The following SETBP1 variants were observed in gnomAD, a reference collection of about 807,000 sequenced individuals.
SETBP1 encodes SET binding protein 1.
SETBP1 carries 9 observed loss-of-function variants against 101.0 expected under a neutral mutation model. That is an observed-to-expected ratio of 0.09 (90% CI 0.05 to 0.16). SETBP1 has a LOEUF of 0.16. SETBP1 is among the 10% of genes least tolerant of loss of function. The probability of loss-of-function intolerance (pLI) is 1.00; values close to 1 mark genes in which losing one functional copy is unlikely to be tolerated. For missense variants in SETBP1, 1,858 were observed against 2,033.8 expected, an observed-to-expected ratio of 0.91 and a Z score of 1.66; for synonymous variants, 818 against 788.5, an observed-to-expected ratio of 1.04 and a Z score of -0.63.
chr18:44,873,840 A>G (rs1408421406), intron 3 of SETBP1, among the ~76,000 whole-genome samples: 4 of 152,340 alleles, frequency 2.6e-5, no homozygotes, highest in Non-Finnish European at 4.4e-5. Flanking sequence ...TAGCATAATA[A>G]TATAATAAAC....
intron 4 of SETBP1, among the ~76,000 whole-genome samples, chr18:44,991,838 A>G (rs1166443227): frequency 1.3e-5 from 2 of 152,226 alleles, no homozygotes; most frequent in Non-Finnish European, 2.9e-5. Flanking sequence ...AGAAAATACA[A>G]CAAAGCACAT....
At position 44,997,061 on chromosome 18, in the gene SETBP1, A is replaced by C. The variant is rs149443736; in HGVS notation, c.4001-41424A>C. On this transcript the variant is annotated intron_variant, in intron 4 of 5. Coordinates refer to ENST00000649279, the MANE Select transcript of SETBP1 (RefSeq NM_015559.3). ...ACAGGTGGCGTAATCAGGGATGAGGAGAACATCTTGGGAGAGTTTTGGACT... is the reference window on the plus strand; with the variant it reads ...ACAGGTGGCGTAATCAGGGATGAGGCGAACATCTTGGGAGAGTTTTGGACT... Among the ~76,000 whole-genome samples, 1,058 of 152,276 alleles carry C rather than the reference A, an allele frequency of 6.9e-3. 17 individuals are homozygous for C. Among genetic ancestry groups the C allele is most frequent in the African/African-American group, 0.025 (1,020 of 41,548 alleles).
intron 2 of SETBP1, among the ~76,000 whole-genome samples, chr18:44,736,053 G>A (rs1422491248): frequency 1.3e-5 from 2 of 152,250 alleles, no homozygotes; most frequent in Non-Finnish European, 1.5e-5. Context: ...TCACTCTACT[G>A]GTCTTTTGGA....
chr18:44,873,391 C>T (rs925286138), intron 3 of SETBP1, among the ~76,000 whole-genome samples: 1 of 152,160 alleles, frequency 6.6e-6, no homozygotes, highest in Admixed American at 6.5e-5. Context: ...GTGAAAGTAG[C>T]ATTGTATGCC....
Position 44,950,414 on chromosome 18 carries a change from C to A in SETBP1, c.1074C>A (p.Ala358=). ...PNPDLDWVKN[A]QKAFDNTEGK... is the part of the protein sequence containing the mutation. ...CAGACCTGGATTGGGTCAAGAATGC[C>A]CAGAAAGCATTTGACAATACAGAAG... is the stretch of plus-strand genomic sequence containing the variant. The change falls in exon 4 of 6, where the codon GCC becomes GCA. Residue 358 remains alanine, a synonymous_variant. Transcript: ENST00000649279. 6.2e-7 allele frequency: 1 copy of A among 1,614,090 alleles called. No individual in the cohort carries two copies.
At chr18:44,874,287 A>G (rs2069346293) in intron 3 of SETBP1, among the ~76,000 whole-genome samples, 1 of 152,212 alleles carries the variant, frequency 6.6e-6, no homozygotes. Context: ...TTTTCTGATC[A>G]TTTTTAATAT....
At chr18:44,713,343 G>C (rs1424363394) in intron 2 of SETBP1, among the ~76,000 whole-genome samples, 1 of 152,098 alleles carries the variant, frequency 6.6e-6, no homozygotes, top group Non-Finnish European at 1.5e-5. Context: ...CTTCACGGGG[G>C]GGGACGTGCC....
intron 2 of SETBP1, among the ~76,000 whole-genome samples, chr18:44,759,241 C>T (rs1187305057): frequency 1.3e-5 from 2 of 152,122 alleles, no homozygotes; most frequent in African/African-American, 4.8e-5. Context: ...GTCCATGAGC[C>T]GTGAGCACTG....
At chr18:44,921,343 G>T (rs926999068) in intron 3 of SETBP1, among the ~76,000 whole-genome samples, 2 of 152,196 alleles carry the variant, frequency 1.3e-5, no homozygotes, top group Middle Eastern at 3.2e-3. Flanking sequence ...TGACTAGTGG[G>T]TGTCAAGTGC....
intron 4 of SETBP1, among the ~76,000 whole-genome samples, chr18:45,004,784 C>T (rs556333791): frequency 7.9e-5 from 12 of 152,366 alleles, no homozygotes; most frequent in Admixed American, 6.5e-4. Context: ...CTGGACCATG[C>T]AGAGTCTCTG....
chr18:44,728,592 CT>C (rs1161748414), intron 2 of SETBP1, among the ~76,000 whole-genome samples: 1 of 152,134 alleles, frequency 6.6e-6, no homozygotes. Context: ...ATCAGACAAG[CT>C]TGAGTCAGAT....
intron 2 of SETBP1, among the ~76,000 whole-genome samples, chr18:44,712,227 CA>C (rs1199003471): frequency 6.6e-6 from 1 of 152,190 alleles, no homozygotes; most frequent in Non-Finnish European, 1.5e-5. Context: ...AGTTTCTAGC[CA>C]GTTTCACAGT....
chr18:44,849,079 G>A (rs1251042833), intron 2 of SETBP1, among the ~76,000 whole-genome samples: 1 of 152,212 alleles, frequency 6.6e-6, no homozygotes, highest in Non-Finnish European at 1.5e-5. Context: ...TGTAAAGGCT[G>A]TGGGGATGCA....
intron 2 of SETBP1, among the ~76,000 whole-genome samples, chr18:44,807,837 G>A (rs1285651043): frequency 6.6e-6 from 1 of 152,182 alleles, no homozygotes; most frequent in East Asian, 1.9e-4. Flanking sequence ...ACAAGGGCAT[G>A]GTGGTATAGA....
At chr18:44,809,865 C>T (rs1212832471) in intron 2 of SETBP1, among the ~76,000 whole-genome samples, 1 of 152,132 alleles carries the variant, frequency 6.6e-6, no homozygotes, top group East Asian at 1.9e-4. Flanking sequence ...CTCAGAATAA[C>T]CCTTTTTAGG....
Position 44,943,219 on chromosome 18 carries a change from TA to T in SETBP1, c.541-6659del, listed in dbSNP as rs577922203. Among the ~76,000 whole-genome samples, 10 of 152,330 alleles carry T rather than the reference TA, an allele frequency of 6.6e-5. No homozygotes were observed. In the East Asian group the frequency reaches 1.9e-3, roughly 29 times the overall value. ...GTAATTTTTCAGTTTTGTTTTAAATTAAATGACAGAACCGTTTCACTCTCTC... is the reference window on the plus strand; with the variant it reads ...GTAATTTTTCAGTTTTGTTTTAAATTAATGACAGAACCGTTTCACTCTCTC... On this transcript the variant is annotated intron_variant, in intron 3 of 5. Transcript: ENST00000649279.
chr18:44,691,666 G>A (rs2068936306), intron 1 of SETBP1, among the ~76,000 whole-genome samples: 1 of 152,158 alleles, frequency 6.6e-6, no homozygotes, highest in Admixed American at 6.5e-5. Context: ...TGAGTACAGA[G>A]ACTAACGGCA....
At chr18:44,856,742 A>G (rs1019467888) in intron 2 of SETBP1, among the ~76,000 whole-genome samples, 1 of 152,234 alleles carries the variant, frequency 6.6e-6, no homozygotes, top group Non-Finnish European at 1.5e-5. Flanking sequence ...GTGCTTATTA[A>G]TATCCTATGA....
At chr18:44,855,685 A>G (rs1439284803) in intron 2 of SETBP1, among the ~76,000 whole-genome samples, 1 of 152,220 alleles carries the variant, frequency 6.6e-6, no homozygotes, top group Non-Finnish European at 1.5e-5. Context: ...CAAATGCCTC[A>G]CAATGGTGAT....
Sources: gnomAD v4.1 joint callset for allele counts (sites outside exome capture counted in the v4.1 genomes callset) on GRCh38, gnomAD v4.1.1 for gene constraint, MANE v1.5 for transcripts, NCBI Gene and HGNC (gene_info 2026-07-23, HGNC 2026-07-21) for gene names.